The following ACSM2B variants were observed in gnomAD, a reference collection of about 807,000 sequenced individuals.
The protein encoded by ACSM2B is acyl-CoA synthetase medium chain family member 2B, also known as acyl-coenzyme A synthetase ACSM2B, mitochondrial.
ACSM2B carries 58 observed loss-of-function variants against 78.6 expected under a neutral mutation model. That is an observed-to-expected ratio of 0.74 (90% CI 0.60 to 0.92). ACSM2B has a LOEUF of 0.92. ACSM2B is among the 40% of genes least tolerant of loss of function. ACSM2B has a pLI of 0.00. For missense variants in ACSM2B, 688 were observed against 711.2 expected (o/e 0.97, Z 0.37); for synonymous variants, 257 against 256.8 (o/e 1.00, Z -0.01).
chr16:20,569,642 G>A (rs2016040509), intron 1 of ACSM2B, among the ~76,000 whole-genome samples: 1 of 151,720 alleles, frequency 6.6e-6, no homozygotes, highest in Non-Finnish European at 1.5e-5. Flanking sequence ...GAATTGCACT[G>A]AATTTGTATA....
intron 6 of ACSM2B, among the ~76,000 whole-genome samples, chr16:20,550,151 G>T (rs1004435445): frequency 6.6e-6 from 1 of 152,188 alleles, no homozygotes; most frequent in African/African-American, 2.4e-5. Context: ...CATTCAGATG[G>T]TTGGGAGGAT....
chr16:20,541,399 C>T (rs2014983889), intron 12 of ACSM2B: 1 of 152,200 alleles, frequency 6.6e-6, no homozygotes, highest in African/African-American at 2.4e-5. Context: ...ACATCAAAGT[C>T]CACTAGACCC....
intron 1 of ACSM2B, among the ~76,000 whole-genome samples, chr16:20,574,947 TTAGTTCTCCACATA>T (rs1406806724): frequency 6.8e-6 from 1 of 146,510 alleles, no homozygotes; most frequent in African/African-American, 2.7e-5. Flanking sequence ...ATTATGTTCC[TTAGTTCTCCACATA>T]TGGTCAAAGG....
chr16:20,546,222 C>T (rs569858674), intron 9 of ACSM2B, among the ~76,000 whole-genome samples, 172 bp downstream of exon 9: 1 of 152,118 alleles, frequency 6.6e-6, no homozygotes, highest in South Asian at 2.1e-4. Flanking sequence ...CCTTTTCCTC[C>T]TTCCTTCCCT....
At chr16:20,566,749 ACT>A (rs1491245205) in intron 1 of ACSM2B, among the ~76,000 whole-genome samples, 1 of 82,476 alleles carries the variant, frequency 1.2e-5, no homozygotes, top group Non-Finnish European at 2.0e-5. Context: ...TACTATATAT[ACT>A]ATATATAGTA....
rs560562625 is a variant in ACSM2B at position 20,551,768 on chromosome 16, AAC to A, written c.894+374_894+375del. ...AAAGGAAATGAAATGTGCACTCACA[AAC>A]ACACACACACACTCATGAGAGCGAG... On this transcript the variant is annotated intron_variant, in intron 6 of 13. Transcript: ENST00000329697. Among the ~76,000 whole-genome samples, 884 of 152,016 alleles carry A rather than the reference AAC, an allele frequency of 5.8e-3. 9 individuals carry two copies. The highest frequency in any genetic ancestry group is 0.02 in the African/African-American group (818 of 41,480).
Position 20,536,937 on chromosome 16 carries a change from C to A in ACSM2B, c.*321G>T. ...CTTTCATCTCCTCTTTCCTTTCTTC[C>A]TCCTTCCCTTGCTTCCTCTCGCCTT... On this transcript the variant is annotated 3_prime_UTR_variant, in exon 14 of 14. Coordinates refer to ENST00000329697, the MANE Select transcript of ACSM2B (RefSeq NM_001105069.2). 1 of 208,500 alleles carries A rather than the reference C, an allele frequency of 4.8e-6. No individual in the cohort carries two copies. The highest frequency in any genetic ancestry group is 9.5e-6 in the Non-Finnish European group (1 of 105,452). The allele number at this position is 208,500 out of a possible 1,614,324, so 12.9% of individuals were successfully genotyped here.
In ACSM2B at chr16:20,552,165, A is replaced by G. The variant is rs755180335; in HGVS notation, c.873T>C (p.Phe291=). The change falls in exon 6 of 14, where the codon TTT becomes TTC. Residue 291 remains phenylalanine (F), a synonymous_variant. Coordinates refer to ENST00000329697, the MANE Select transcript of ACSM2B (RefSeq NM_001105069.2). ...ACTFVHLLPK[F]DPLVILKTLS... is the part of the protein sequence containing the mutation. Reference sequence around the variant, plus strand: ...TTACCTTTAGAATAACCAGTGGGTCAAACTTTGGCAAGAGATGAACAAATG... The same window carrying G: ...TTACCTTTAGAATAACCAGTGGGTCGAACTTTGGCAAGAGATGAACAAATG... 6.2e-7 allele frequency: 1 copy of G among 1,613,088 alleles called. No homozygotes were observed. The highest frequency in any genetic ancestry group is 8.5e-7 in the Non-Finnish European group (1 of 1,179,512).
chr16:20,546,455 G>A lies in ACSM2B; in HGVS notation c.1118C>T (p.Ser373Phe), dbSNP rs1391640961. 9 of 1,608,588 alleles carry A rather than the reference G, an allele frequency of 5.6e-6. No individual in the cohort carries two copies. The Admixed American group carries it at 8.4e-5, about 15-fold the overall frequency. ...TCCTGGTTTGATTTTCATTGTCTTGGAAACCATGCAAGTTAATCCCTGTGG... is the reference window on the plus strand; with the variant it reads ...TCCTGGTTTGATTTTCATTGTCTTGAAAACCATGCAAGTTAATCCCTGTGG... The part of the protein sequence containing the change: ...QTETGLTCMV[S>F]KTMKIKPGYM... Residue 373 changes from serine (S) to phenylalanine (F), a missense_variant, in exon 9 of 14, where the codon TCC becomes TTC. Ser to Phe is a radical substitution (Grantham distance 155, BLOSUM62 -2). Transcript: ENST00000329697.
intron 6 of ACSM2B, 102 bp downstream of exon 6, chr16:20,552,042 G>A: frequency 6.6e-7 from 1 of 1,520,168 alleles, no homozygotes; most frequent in Non-Finnish European, 8.8e-7. Context: ...CATGGCAGAG[G>A]TTTAGCAAAA....
intron 3 of ACSM2B, among the ~76,000 whole-genome samples, chr16:20,556,420 G>A (rs2015476442): frequency 1.3e-5 from 2 of 152,136 alleles, no homozygotes; most frequent in African/African-American, 2.4e-5. Flanking sequence ...TGGCCAACAT[G>A]GCGAAACCCC....
intron 8 of ACSM2B, chr16:20,547,403 G>C (rs2015173209): frequency 1.0e-6 from 1 of 985,050 alleles, no homozygotes; most frequent in Admixed American, 6.1e-5. Flanking sequence ...ATTAGCTAAA[G>C]AAGGATGCAG....
chr16:20,548,021 A>G (rs1322448884), intron 8 of ACSM2B, 41 bp downstream of exon 8: 1 of 1,604,806 alleles, frequency 6.2e-7, no homozygotes, highest in East Asian at 2.2e-5. Context: ...TTTGAAGCCC[A>G]AAAAGTGCAC....
intron 3 of ACSM2B, among the ~76,000 whole-genome samples, chr16:20,556,178 T>C (rs1386335024): frequency 6.6e-6 from 1 of 152,214 alleles, no homozygotes; most frequent in Non-Finnish European, 1.5e-5. Flanking sequence ...TAGCATGCTG[T>C]ACAATTTATC....
chr16:20,552,100 C>T lies in ACSM2B; in HGVS notation c.894+44G>A, dbSNP rs774074088. The T allele has an allele frequency of 2.8e-5, 43 of 1,549,970 alleles. No homozygotes were observed. The Middle Eastern group carries it at 5.2e-4, about 19-fold the overall frequency. ...ACAAAAAATTGAAGTGTGCAAACCTCGGGCTCACTCTGAATAACTGCTGCA... is the reference window on the plus strand; with the variant it reads ...ACAAAAAATTGAAGTGTGCAAACCTTGGGCTCACTCTGAATAACTGCTGCA... On this transcript the variant is annotated intron_variant, in intron 6 of 13. Transcript: ENST00000329697.
chr16:20,564,562 A>G, intron 2 of ACSM2B, 107 bp downstream of exon 2: 1 of 1,483,372 alleles, frequency 6.7e-7, no homozygotes, highest in Non-Finnish European at 9.0e-7. Context: ...AGCTTATTAC[A>G]GTGCCTTACA....
chr16:20,545,199 C>A lies in ACSM2B; in HGVS notation c.1239G>T (p.Arg413Ser). The A allele has an allele frequency of 6.2e-7, 1 of 1,613,846 alleles. No homozygotes were observed. Among genetic ancestry groups the A allele is most frequent in the Non-Finnish European group, 8.5e-7 (1 of 1,179,840 alleles). ...TGCCTATAGGCCTGATGGGTTTGAC[C>A]CTGATGCCAATGTCTCCTTCTGTGC... ...PPGTEGDIGIRVKPIRPIGIF... is the reference protein window; with the variant it reads ...PPGTEGDIGISVKPIRPIGIF... Residue 413 changes from arginine (R) to serine (S), a missense_variant, in exon 10 of 14, where the codon AGG becomes AGT. Coordinates refer to ENST00000329697, the MANE Select transcript of ACSM2B (RefSeq NM_001105069.2).
intron 8 of ACSM2B, chr16:20,547,358 A>G (rs779411922): frequency 1.3e-4 from 124 of 985,340 alleles, no homozygotes; most frequent in Admixed American, 4.3e-4. Context: ...CAGAGCTGCC[A>G]TCAACACTCT....
At chr16:20,574,781 A>G (rs1362038702) in intron 1 of ACSM2B, 1 of 150,922 alleles carries the variant, frequency 6.6e-6, no homozygotes, top group Non-Finnish European at 1.5e-5. Context: ...CCACAATTTC[A>G]GTTCTTTCTC....
Sources: gnomAD v4.1 joint callset for allele counts (sites outside exome capture counted in the v4.1 genomes callset) on GRCh38, gnomAD v4.1.1 for gene constraint, MANE v1.5 for transcripts, NCBI Gene and HGNC (gene_info 2026-07-23, HGNC 2026-07-21) for gene names.